The following TSHZ1 variants were observed in gnomAD, a reference collection of about 807,000 sequenced individuals.
TSHZ1 encodes teashirt zinc finger homeobox 1, also known as teashirt homolog 1.
TSHZ1 carries 12 observed loss-of-function variants against 67.1 expected under a neutral mutation model. That is an observed-to-expected ratio of 0.18 (90% CI 0.11 to 0.29). The LOEUF (loss-of-function observed/expected upper bound fraction) is 0.29. Ranked by LOEUF, TSHZ1 falls within the 10% of genes least tolerant of loss-of-function variation. The probability of loss-of-function intolerance (pLI) is 1.00; values close to 1 mark genes in which losing one functional copy is unlikely to be tolerated. For synonymous variants in TSHZ1, 632 were observed against 622.4 expected (o/e 1.02, Z -0.23); for missense variants, 1,305 against 1,413.9 (o/e 0.92, Z 1.23).
At chr18:75,267,954 C>T (rs1373675960) in intron 1 of TSHZ1, among the ~76,000 whole-genome samples, 1 of 152,114 alleles carries the variant, frequency 6.6e-6, no homozygotes, top group Non-Finnish European at 1.5e-5. Context: ...GAAGTGGGTT[C>T]GAAGGGGGTT....
intron 1 of TSHZ1, among the ~76,000 whole-genome samples, chr18:75,271,388 A>G (rs1248849503): frequency 1.3e-5 from 2 of 152,186 alleles, no homozygotes; most frequent in East Asian, 1.9e-4. Context: ...ACCTTCTTCC[A>G]TCTTTTTAGC....
At chr18:75,277,460 T>G (rs2023627845) in intron 1 of TSHZ1, among the ~76,000 whole-genome samples, 1 of 152,078 alleles carries the variant, frequency 6.6e-6, no homozygotes, top group Non-Finnish European at 1.5e-5. Flanking sequence ...GTAGACTGTG[T>G]GGCTGTGTGT....
At chr18:75,285,355 A>G in intron 1 of TSHZ1, 93 bp from the exon 2 acceptor site, 3 of 1,393,010 alleles carry the variant, frequency 2.2e-6, no homozygotes, top group Non-Finnish European at 2.8e-6. Flanking sequence ...CTAGGCTGAC[A>G]AATATCTTTT....
intron 1 of TSHZ1, among the ~76,000 whole-genome samples, chr18:75,248,991 C>T (rs144311567): frequency 0.013 from 1,990 of 152,274 alleles, 17 homozygotes; most frequent in South Asian, 0.022. Flanking sequence ...CTTCCTAACG[C>T]GGGGCCTGAG....
intron 1 of TSHZ1, among the ~76,000 whole-genome samples, chr18:75,248,406 CAT>C (rs1455122355): frequency 2.6e-5 from 4 of 152,254 alleles, no homozygotes; most frequent in African/African-American, 4.8e-5. Context: ...CTGTGGCCCA[CAT>C]GTTTCCTTCA....
At chr18:75,247,068 C>T (rs538952067) in intron 1 of TSHZ1, among the ~76,000 whole-genome samples, 12 of 152,230 alleles carry the variant, frequency 7.9e-5, no homozygotes, top group African/African-American at 2.9e-4. Context: ...ATGGAGGCAC[C>T]CAGATATAAT....
At chr18:75,217,514 T>G (rs2022786001) in intron 1 of TSHZ1, among the ~76,000 whole-genome samples, 1 of 152,248 alleles carries the variant, frequency 6.6e-6, no homozygotes, top group African/African-American at 2.4e-5. Context: ...GACTGTACTT[T>G]GGAGGCATTA....
At chr18:75,261,337 G>C (rs1487830410) in intron 1 of TSHZ1, among the ~76,000 whole-genome samples, 6 of 152,100 alleles carry the variant, frequency 3.9e-5, no homozygotes, top group Non-Finnish European at 7.4e-5. Flanking sequence ...GCCTTCCCAG[G>C]GTGATTCTTT....
intron 1 of TSHZ1, among the ~76,000 whole-genome samples, chr18:75,232,456 G>T (rs141107163): frequency 5.9e-5 from 9 of 152,318 alleles, no homozygotes; most frequent in African/African-American, 1.9e-4. Context: ...ATTTTGGAAA[G>T]TCTAAAATAA....
chr18:75,214,059 G>A (rs1173140181), intron 1 of TSHZ1, among the ~76,000 whole-genome samples: 1 of 152,210 alleles, frequency 6.6e-6, no homozygotes, highest in East Asian at 1.9e-4. Flanking sequence ...TTCTGTGTAA[G>A]TTTAATTACA....
chr18:75,287,776 C>T lies in TSHZ1; in HGVS notation c.2369C>T (p.Thr790Ile), dbSNP rs151202136. 4.5e-5 allele frequency: 73 copies of T among 1,614,192 alleles called. No individual in the cohort carries two copies. The African/African-American group carries it at 6.0e-4, about 13-fold the overall frequency. ...CTGGACAAGCCGGTGTACCCCGCCA[C>T]CCCTGTGAAGCAGGCCGATGCCATC... The part of the protein sequence containing the change: ...SMLDKPVYPA[T>I]PVKQADAIDR... Residue 790 changes from threonine (T) to isoleucine (I), a missense_variant, in exon 2 of 2, where the codon ACC becomes ATC. Transcript: ENST00000580243. The surrounding 1 kb of genome is among the most constrained non-coding windows in gnomAD (Gnocchi z 5.0).
At chr18:75,212,543 C>G (rs1434923067) in intron 1 of TSHZ1, among the ~76,000 whole-genome samples, 1 of 152,142 alleles carries the variant, frequency 6.6e-6, no homozygotes, top group Non-Finnish European at 1.5e-5. Context: ...TCCTTGTTTT[C>G]TGTTTTATTA....
chr18:75,213,717 G>T (rs150845203), intron 1 of TSHZ1, among the ~76,000 whole-genome samples: 1 of 152,082 alleles, frequency 6.6e-6, no homozygotes, highest in African/African-American at 2.4e-5. Flanking sequence ...AAAACAAGCC[G>T]TCAAGGCGAC....
intron 1 of TSHZ1, among the ~76,000 whole-genome samples, chr18:75,246,270 A>G (rs1380836957): frequency 6.6e-6 from 1 of 152,190 alleles, no homozygotes; most frequent in African/African-American, 2.4e-5. Flanking sequence ...AATGTAGCTA[A>G]CGTGTGTGGC....
At chr18:75,225,441 G>A (rs1284267243) in intron 1 of TSHZ1, among the ~76,000 whole-genome samples, 1 of 152,236 alleles carries the variant, frequency 6.6e-6, no homozygotes, top group Non-Finnish European at 1.5e-5. Flanking sequence ...GTGATGGCCT[G>A]TCCACGCCGC....
chr18:75,253,539 A>G (rs1345233567), intron 1 of TSHZ1, among the ~76,000 whole-genome samples: 1 of 152,244 alleles, frequency 6.6e-6, no homozygotes, highest in Non-Finnish European at 1.5e-5. Flanking sequence ...TGGGAAGCAG[A>G]AATTTTACTT....
chr18:75,270,203 C>G (rs2023540959), intron 1 of TSHZ1, among the ~76,000 whole-genome samples: 2 of 152,182 alleles, frequency 1.3e-5, no homozygotes, highest in Non-Finnish European at 2.9e-5. Context: ...TGCTCCTTGT[C>G]TTACTGATGG....
intron 1 of TSHZ1, among the ~76,000 whole-genome samples, chr18:75,226,639 G>A (rs991426691): frequency 2.6e-5 from 4 of 151,158 alleles, no homozygotes; most frequent in African/African-American, 7.3e-5. Flanking sequence ...CTCATACAGG[G>A]CACAGACACA....
chr18:75,261,648 A>G (rs2023432041), intron 1 of TSHZ1, among the ~76,000 whole-genome samples: 1 of 152,160 alleles, frequency 6.6e-6, no homozygotes, highest in Non-Finnish European at 1.5e-5. Context: ...GTAATTTCTC[A>G]TTTCATAGTT....
Sources: gnomAD v4.1 joint callset for allele counts (sites outside exome capture counted in the v4.1 genomes callset) on GRCh38, gnomAD v4.1.1 for gene constraint, Gnocchi (gnomAD v3.1) non-coding constraint, MANE v1.5 for transcripts, NCBI Gene and HGNC (gene_info 2026-07-23, HGNC 2026-07-21) for gene names.